MPP7: variants seen among roughly 807,000 people sequenced by gnomAD.
The protein encoded by MPP7 is MAGUK p55 scaffold protein 7.
A neutral mutation model predicts 76.5 loss-of-function variants in MPP7; 60 were observed. The observed-to-expected ratio is 0.78, with a 90% CI of 0.64 to 0.97. The LOEUF (loss-of-function observed/expected upper bound fraction) is 0.97. Among genes scored for constraint, MPP7 ranks in the 50% least tolerant of loss-of-function variants. The pLI, the probability that MPP7 is intolerant of heterozygous loss-of-function variation, is 0.00. For missense variants in MPP7, 641 were observed against 694.0 expected (o/e 0.92, Z 0.86); for synonymous variants, 237 against 244.5 (o/e 0.97, Z 0.29).
intron 12 of MPP7, among the ~76,000 whole-genome samples, chr10:28,075,473 T>A (rs1173286014): frequency 6.6e-6 from 1 of 152,084 alleles, no homozygotes; most frequent in Non-Finnish European, 1.5e-5. Flanking sequence ...CAGTCAAGTG[T>A]AAATTTTTTT....
rs117136029 is a variant in MPP7, at chr10:28,297,706, T to C, written c.-132+5155A>G. On this transcript the variant is annotated intron_variant, in intron 1 of 16. Coordinates refer to ENST00000683449, the MANE Select transcript of MPP7 (RefSeq NM_001318170.2). ...AGAGCGAGACTCCGTCTCAAAAAAATAAAAAAAATGAAGTTTGCCACATCA... is the reference window on the plus strand; with the variant it reads ...AGAGCGAGACTCCGTCTCAAAAAAACAAAAAAAATGAAGTTTGCCACATCA... 6.1e-3 allele frequency among the ~76,000 whole-genome samples: 930 copies of C among 151,838 alleles called. 11 individuals are homozygous for C. Among genetic ancestry groups the C allele is most frequent in the Middle Eastern group, 0.017 (5 of 294 alleles).
At chr10:28,111,071 A>C (rs1349235488) in intron 11 of MPP7, among the ~76,000 whole-genome samples, 2 of 152,178 alleles carry the variant, frequency 1.3e-5, no homozygotes, top group Admixed American at 1.3e-4. Flanking sequence ...ACTAAATAAA[A>C]TGACTAGACT....
At chr10:28,314,600 T>C (rs919953537) in intron 2 of MPP7, among the ~76,000 whole-genome samples, 5 of 152,212 alleles carry the variant, frequency 3.3e-5, no homozygotes, top group African/African-American at 1.2e-4. Flanking sequence ...AGAAGAAGCA[T>C]GTTCAGTAAG....
intron 2 of MPP7, among the ~76,000 whole-genome samples, chr10:28,325,998 T>G (rs11007022): frequency 0.14 from 20,216 of 144,568 alleles, 2,173 homozygotes; most frequent in East Asian, 0.39. Flanking sequence ...AAAAAAAAAT[T>G]CCTTAAAGAG....
chr10:28,329,100 C>A (rs1011965802), intron 2 of MPP7, among the ~76,000 whole-genome samples: 2 of 152,178 alleles, frequency 1.3e-5, no homozygotes, highest in Non-Finnish European at 2.9e-5. Context: ...CCTTGCCCAC[C>A]TCCTTGCCTT....
At chr10:28,255,500 C>A (rs1588988763) in intron 1 of MPP7, among the ~76,000 whole-genome samples, 1 of 151,314 alleles carries the variant, frequency 6.6e-6, no homozygotes, top group African/African-American at 2.4e-5. Flanking sequence ...CTGCAACCTC[C>A]GCCTCCTAGG....
At chr10:28,087,557 G>T (rs552559031) in intron 12 of MPP7, among the ~76,000 whole-genome samples, 1 of 152,080 alleles carries the variant, frequency 6.6e-6, no homozygotes, top group East Asian at 1.9e-4. Flanking sequence ...CACTACACCT[G>T]ACTAATTTTT....
At chr10:28,320,753 A>G (rs911835904) in intron 2 of MPP7, among the ~76,000 whole-genome samples, 1 of 152,010 alleles carries the variant, frequency 6.6e-6, no homozygotes, top group African/African-American at 2.4e-5. Context: ...AATTTAGAAT[A>G]ATTACTTAAT....
intron 1 of MPP7, among the ~76,000 whole-genome samples, chr10:28,269,693 A>AT (rs1475098299): frequency 1.3e-5 from 2 of 151,554 alleles, no homozygotes; most frequent in African/African-American, 2.4e-5. Flanking sequence ...CACCCAGCTA[A>AT]TTTTTTTAAA....
chr10:28,281,874 GACGTATGGCCCTA>G (rs1840683615), intron 1 of MPP7: 1 of 152,066 alleles, frequency 6.6e-6, no homozygotes, highest in African/African-American at 2.4e-5. Context: ...TAACCATTAG[GACGTATGGCCCTA>G]ACGTTTTCAG....
chr10:28,312,309 T>C (rs375794853), intron 2 of MPP7, among the ~76,000 whole-genome samples: 48 of 152,292 alleles, frequency 3.2e-4, no homozygotes, highest in African/African-American at 9.9e-4. Flanking sequence ...AGAGCACTGA[T>C]TGGTGCATTT....
intron 1 of MPP7, among the ~76,000 whole-genome samples, chr10:28,291,770 CTG>C (rs912136032): frequency 6.0e-4 from 91 of 152,224 alleles, no homozygotes; most frequent in African/African-American, 2.1e-3. Context: ...GTGTTTGAAG[CTG>C]TGTTATTACA....
In MPP7 at chr10:28,268,460, G is replaced by A. The variant is rs541252289; in HGVS notation, c.-131-29725C>T. On this transcript the variant is annotated intron_variant, in intron 1 of 16. Transcript: ENST00000683449. ...ATAAAGACAATTAGGGGCCAGGCGC[G>A]GTGGCTCATGCCTGTAATCCCAGCA... is the stretch of plus-strand genomic sequence containing the variant. 9.2e-5 allele frequency among the ~76,000 whole-genome samples: 14 copies of A among 152,174 alleles called. No individual in the cohort carries two copies. In the East Asian group the frequency reaches 9.7e-4, roughly 11 times the overall value.
intron 4 of MPP7, among the ~76,000 whole-genome samples, chr10:28,149,000 T>A (rs1835795868): frequency 6.6e-6 from 1 of 152,190 alleles, no homozygotes; most frequent in African/African-American, 2.4e-5. Flanking sequence ...AAATATATAC[T>A]GAAACATACT....
chr10:28,300,797 T>TAA (rs368455784), intron 1 of MPP7, among the ~76,000 whole-genome samples: 17,160 of 142,168 alleles, frequency 0.12, 1,567 homozygotes, highest in East Asian at 0.48. Context: ...ACAAAAATAT[T>TAA]AAAAAAAAAA....
At chr10:28,099,831 A>G (rs1853738426) in intron 11 of MPP7, among the ~76,000 whole-genome samples, 1 of 152,114 alleles carries the variant, frequency 6.6e-6, no homozygotes, top group South Asian at 2.1e-4. Context: ...TAAATAAAAA[A>G]TAAAGTTCCT....
intron 5 of MPP7, among the ~76,000 whole-genome samples, chr10:28,132,748 G>A (rs1418900012): frequency 3.3e-5 from 5 of 152,106 alleles, no homozygotes; most frequent in African/African-American, 4.8e-5. Context: ...ACAGGCGCCC[G>A]CCACCACGCC....
intron 5 of MPP7, among the ~76,000 whole-genome samples, chr10:28,141,099 T>G (rs1422042662): frequency 2.0e-5 from 3 of 152,112 alleles, no homozygotes; most frequent in Non-Finnish European, 4.4e-5. Context: ...TTTTATCACA[T>G]AAATATCTGC....
chr10:28,121,283 AAAG>A (rs951830583), intron 8 of MPP7, among the ~76,000 whole-genome samples: 1 of 145,628 alleles, frequency 6.9e-6, no homozygotes, highest in Non-Finnish European at 1.5e-5. Flanking sequence ...TTTTTTTTTT[AAAG>A]AATAATGTAC....
Sources: gnomAD v4.1 joint callset for allele counts (sites outside exome capture counted in the v4.1 genomes callset) on GRCh38, gnomAD v4.1.1 for gene constraint, MANE v1.5 for transcripts, NCBI Gene and HGNC (gene_info 2026-07-23, HGNC 2026-07-21) for gene names.